NAA35: variants seen among roughly 807,000 people sequenced by gnomAD.
NAA35 encodes the protein N-alpha-acetyltransferase 35, NatC auxiliary subunit, also known as MAK10 homolog, amino-acid N-acetyltransferase subunit.
In NAA35, 18 loss-of-function variants were observed where a neutral mutation model predicts 101.7. The observed-to-expected ratio is 0.18, with a 90% CI of 0.12 to 0.26. The LOEUF (loss-of-function observed/expected upper bound fraction) is 0.26. Ranked by LOEUF, NAA35 falls within the 10% of genes least tolerant of loss-of-function variation. NAA35 has a pLI of 1.00. For missense variants in NAA35, 601 were observed against 886.8 expected (o/e 0.68, Z 4.09); for synonymous variants, 267 against 273.1 (o/e 0.98, Z 0.22).
intron 15 of NAA35, 60 bp from the exon 16 acceptor site, chr9:86,012,981 TGTTAA>T (rs1832021852): frequency 9.1e-7 from 1 of 1,104,960 alleles, no homozygotes; most frequent in African/African-American, 1.6e-5. Context: ...GAACTTGGAA[TGTTAA>T]GTTTCTTTGG....
At chr9:85,998,856 CTG>C (rs1374953017) in intron 12 of NAA35, among the ~76,000 whole-genome samples, 1 of 152,168 alleles carries the variant, frequency 6.6e-6, no homozygotes, top group Admixed American at 6.5e-5. Flanking sequence ...GTCATTTTCT[CTG>C]TGAAATCTTC....
At chr9:85,942,989 T>C (rs142030999) in intron 2 of NAA35, among the ~76,000 whole-genome samples, 24 of 152,140 alleles carry the variant, frequency 1.6e-4, no homozygotes, top group African/African-American at 4.8e-4. Flanking sequence ...ATACAGCTTA[T>C]CTTTTTCAGA....
chr9:86,016,673 A>G lies in NAA35; in HGVS notation c.1703A>G (p.Lys568Arg). 2 of 1,611,408 alleles carry G rather than the reference A, an allele frequency of 1.2e-6. No homozygotes were observed. Among genetic ancestry groups the G allele is most frequent in the Non-Finnish European group, 1.7e-6 (2 of 1,179,584 alleles). Residue 568 changes from lysine (K) to arginine (R), a missense_variant and splice_region_variant, in exon 18 of 23, where the codon AAA (lysine) becomes AGA (arginine). By Grantham distance (26) the Lys-to-Arg change is conservative. Coordinates refer to ENST00000361671, the MANE Select transcript of NAA35 (RefSeq NM_024635.4). The part of the protein sequence containing the change: ...RSSKKTKKKK[K>R]VRPLSREITM... ...AGTAAAAAAACAAAGAAAAAAAAGA[A>G]AGGTGCTGTGGATTATTTTTAAACT...
intron 11 of NAA35, among the ~76,000 whole-genome samples, chr9:85,979,203 A>T (rs900373168): frequency 6.6e-6 from 1 of 152,174 alleles, no homozygotes; most frequent in Non-Finnish European, 1.5e-5. Context: ...ACGCTAAGCA[A>T]AGGAGACAGG....
rs1308079397 is a variant in NAA35, at chr9:86,024,452, C to G, written c.*2492C>G. On this transcript the variant is annotated 3_prime_UTR_variant, in exon 23 of 23. Transcript: ENST00000361671. ...GTAGATTCTACTGAAGGCTTGTATGCAGGGACATGATGGGATCAAGTCAAA... is the reference window on the plus strand; with the variant it reads ...GTAGATTCTACTGAAGGCTTGTATGGAGGGACATGATGGGATCAAGTCAAA... 6.6e-6 allele frequency among the ~76,000 whole-genome samples: 1 copy of G among 152,120 alleles called. No individual in the cohort carries two copies. Among genetic ancestry groups the G allele is most frequent in the Non-Finnish European group, 1.5e-5 (1 of 68,024 alleles).
intron 2 of NAA35, among the ~76,000 whole-genome samples, chr9:85,949,419 C>T (rs1408437372): frequency 2.0e-5 from 3 of 151,910 alleles, no homozygotes; most frequent in South Asian, 2.1e-4. Context: ...CTTGGCCTCC[C>T]GAGTAGCTGG....
intron 15 of NAA35, among the ~76,000 whole-genome samples, chr9:86,012,345 T>A (rs2118427451): frequency 6.6e-6 from 1 of 152,158 alleles, no homozygotes; most frequent in South Asian, 2.1e-4. Context: ...GTTGACCTCA[T>A]GATCCACCTG....
At chr9:85,992,145 G>A (rs1830943794) in intron 11 of NAA35, among the ~76,000 whole-genome samples, 1 of 148,528 alleles carries the variant, frequency 6.7e-6, no homozygotes, top group South Asian at 2.1e-4. Flanking sequence ...CTGCACTCCA[G>A]CCTGGGCAAC....
chr9:86,017,947 G>A (rs1421765789), intron 19 of NAA35, among the ~76,000 whole-genome samples: 1 of 152,162 alleles, frequency 6.6e-6, no homozygotes, highest in African/African-American at 2.4e-5. Context: ...TAGGAAGAGG[G>A]TGAGCTCCAC....
chr9:85,944,168 CTG>C (rs1216120725), intron 2 of NAA35, among the ~76,000 whole-genome samples: 1 of 152,162 alleles, frequency 6.6e-6, no homozygotes, highest in Non-Finnish European at 1.5e-5. Context: ...AGTCCTAACT[CTG>C]TCACTTACTA....
chr9:86,009,889 G>A lies in NAA35; in HGVS notation c.1248G>A (p.Gln416=), dbSNP rs985701924. ...SPKCYLYNNH[Q]AKDCIDSFVT... Reference sequence around the variant, plus strand: ...GGTGCTACCTATATAATAATCACCAGGCTAAGGACTGTATCGACTCCTTTG... The same window carrying A: ...GGTGCTACCTATATAATAATCACCAAGCTAAGGACTGTATCGACTCCTTTG... Residue 416 remains glutamine, a synonymous_variant, in exon 15 of 23, where the codon CAG becomes CAA. Transcript: ENST00000361671. 1 of 1,613,204 alleles carries A rather than the reference G, an allele frequency of 6.2e-7. No homozygotes were observed. Among genetic ancestry groups the A allele is most frequent in the Non-Finnish European group, 8.5e-7 (1 of 1,179,464 alleles).
intron 4 of NAA35, 91 bp downstream of exon 4, chr9:85,958,677 T>A: frequency 1.3e-6 from 1 of 762,904 alleles, no homozygotes; most frequent in Non-Finnish European, 2.0e-6. Context: ...AACGTTGTAT[T>A]AAAGTCTGTT....
intron 15 of NAA35, among the ~76,000 whole-genome samples, chr9:86,012,246 G>A (rs1831975532): frequency 6.6e-6 from 1 of 151,342 alleles, no homozygotes; most frequent in Admixed American, 6.6e-5. Flanking sequence ...AGCCTCCCAT[G>A]TAGCTGGGAT....
At chr9:86,016,212 T>C (rs1832214790) in intron 17 of NAA35, among the ~76,000 whole-genome samples, 2 of 152,134 alleles carry the variant, frequency 1.3e-5, no homozygotes, top group Non-Finnish European at 2.9e-5. Context: ...TTTTATCTTT[T>C]TCTGATTTTA....
chr9:86,023,842 T>G lies in NAA35; in HGVS notation c.*1882T>G, dbSNP rs1832672691. 6.6e-6 allele frequency among the ~76,000 whole-genome samples: 1 copy of G among 152,260 alleles called. No individual in the cohort carries two copies. Among genetic ancestry groups the G allele is most frequent in the African/African-American group, 2.4e-5 (1 of 41,468 alleles). On this transcript the variant is annotated 3_prime_UTR_variant, in exon 23 of 23. Transcript: ENST00000361671. ...AATCATGTGGTTTCCTTTAAGTAGC[T>G]TTAATTTTTGGTTTTTAGTTTGTTT...
chr9:86,008,930 T>C lies in NAA35; in HGVS notation c.1224-935T>C, dbSNP rs76114173. Among the ~76,000 whole-genome samples the C allele has an allele frequency of 6.2e-4, 94 of 152,326 alleles. 2 individuals carry two copies. In the East Asian group the frequency reaches 0.015, roughly 24 times the overall value. On this transcript the variant is annotated intron_variant, in intron 14 of 22. Transcript: ENST00000361671. ...GGTTTTTAGTCAGATCATTTGTCCCTGTTATTACTTATTTATTGCTTCACC... is the reference window on the plus strand; with the variant it reads ...GGTTTTTAGTCAGATCATTTGTCCCCGTTATTACTTATTTATTGCTTCACC...
In NAA35 at chr9:85,977,353, GT is replaced by G; in HGVS notation, c.679-3del. 6.2e-7 allele frequency: 1 copy of G among 1,603,746 alleles called. No individual in the cohort carries two copies. Among genetic ancestry groups the G allele is most frequent in the Non-Finnish European group, 8.5e-7 (1 of 1,171,638 alleles). On this transcript the variant is annotated splice_polypyrimidine_tract_variant and intron_variant, in intron 9 of 22. Transcript: ENST00000361671. ...ATCTTTTAACTTTTAGTCCTTTCTT[GT>G]TTTTTTAGCACCAACAATGTTTAGC... is the stretch of plus-strand genomic sequence containing the variant.
At chr9:85,997,737 G>A (rs904203352) in intron 12 of NAA35, among the ~76,000 whole-genome samples, 7 of 152,140 alleles carry the variant, frequency 4.6e-5, no homozygotes, top group African/African-American at 1.7e-4. Flanking sequence ...TTCCATCTTG[G>A]CCTCCCAAAG....
Position 85,992,184 on chromosome 9 carries a change from A to AAAT in NAA35, c.878-4209_878-4207dup, listed in dbSNP as rs1554774870. Among the ~76,000 whole-genome samples, 194 of 151,022 alleles carry AAAT rather than the reference A, an allele frequency of 1.3e-3. 4 individuals are homozygous for AAAT. In the South Asian group the frequency reaches 0.033, roughly 26 times the overall value. On this transcript the variant is annotated intron_variant, in intron 11 of 22. Coordinates refer to ENST00000361671, the MANE Select transcript of NAA35 (RefSeq NM_024635.4). ...GCAAGACTCCGTCTCAAAAAAAAAA[A>AAAT]AATAATAAAAAATAAATGAATAAAA...
Sources: gnomAD v4.1 joint callset for allele counts (sites outside exome capture counted in the v4.1 genomes callset) on GRCh38, gnomAD v4.1.1 for gene constraint, MANE v1.5 for transcripts, NCBI Gene and HGNC (gene_info 2026-07-23, HGNC 2026-07-21) for gene names.